Variants in LAMA2 observed in about 807,000 individuals in gnomAD.
The protein encoded by LAMA2 is laminin subunit alpha-2.
A neutral mutation model predicts 364.8 loss-of-function variants in LAMA2; 269 were observed. The observed-to-expected ratio is 0.74, with a 90% confidence interval of 0.67 to 0.82. The LOEUF (loss-of-function observed/expected upper bound fraction) is 0.82, where lower values mean the gene tolerates loss of function less well. Ranked by LOEUF, LAMA2 falls within the 40% of genes least tolerant of loss-of-function variation. The pLI is 0.00. For synonymous variants in LAMA2, 1,379 were observed against 1,370.6 expected (o/e 1.01, Z -0.14); for missense variants, 3,807 against 3,873.2 (o/e 0.98, Z 0.45).
chr6:128,928,450 A>G (rs917340281), intron 1 of LAMA2, among the ~76,000 whole-genome samples: 10 of 152,204 alleles, frequency 6.6e-5, no homozygotes, highest in African/African-American at 2.4e-4. Flanking sequence ...CAAAATGTTT[A>G]TAAATAAAAA....
chr6:129,125,814 A>G (rs1033080323), intron 4 of LAMA2, among the ~76,000 whole-genome samples: 2 of 152,198 alleles, frequency 1.3e-5, no homozygotes, highest in Non-Finnish European at 2.9e-5. Flanking sequence ...CATAAAAAAT[A>G]TTAGTATTTG....
At position 129,220,003 on chromosome 6, in the gene LAMA2, A is replaced by G. The variant is rs1343141747; in HGVS notation, c.1782+27150A>G. On this transcript the variant is annotated intron_variant, in intron 12 of 64. Transcript: ENST00000421865. ...AATAAAAATAAAATAAAATAAGACCATTAAAAAAAAGTTCATCGTATGGAT... is the reference window on the plus strand; with the variant it reads ...AATAAAAATAAAATAAAATAAGACCGTTAAAAAAAAGTTCATCGTATGGAT... Among the ~76,000 whole-genome samples, 4 of 152,158 alleles carry G rather than the reference A, an allele frequency of 2.6e-5. No homozygotes were observed. The East Asian group carries it at 7.7e-4, about 29-fold the overall frequency.
chr6:129,512,418 TACA>T lies in LAMA2; in HGVS notation c.8916_8918del (p.Thr2974del), dbSNP rs755458139. On this transcript the variant is annotated inframe_deletion, in exon 63 of 65. Coordinates refer to ENST00000421865, the MANE Select transcript of LAMA2 (RefSeq NM_000426.4). ...TTGTAGAATTTGAATTCCGCACAAC[TACA>T]ACGACTGGAGTTCTTCTGGGGATCA... 9.3e-6 allele frequency: 15 copies of T among 1,613,356 alleles called. No homozygotes were observed. The East Asian group carries it at 2.0e-4, about 22-fold the overall frequency.
intron 10 of LAMA2, among the ~76,000 whole-genome samples, chr6:129,189,710 T>C (rs1781421764): frequency 6.6e-6 from 1 of 152,256 alleles, no homozygotes; most frequent in East Asian, 1.9e-4. Context: ...ATGTACATAT[T>C]TTTAATCTGA....
chr6:129,089,513 T>G (rs1487709569), intron 3 of LAMA2, among the ~76,000 whole-genome samples: 1 of 152,224 alleles, frequency 6.6e-6, no homozygotes, highest in Admixed American at 6.5e-5. Context: ...TCTGTGACAG[T>G]TTCATTGAAA....
chr6:129,206,160 G>GGAAA, intron 12 of LAMA2, among the ~76,000 whole-genome samples: 1 of 137,236 alleles, frequency 7.3e-6, no homozygotes, highest in South Asian at 2.3e-4. Flanking sequence ...AAGGAAGGAA[G>GGAAA]GAAGGAAATT....
intron 6 of LAMA2, 82 bp from the exon 7 acceptor site, chr6:129,148,897 C>CGA (rs1778636605): frequency 6.4e-6 from 6 of 936,462 alleles, no homozygotes; most frequent in Non-Finnish European, 1.1e-5. Flanking sequence ...TTTCTCTTTT[C>CGA]TTCATAGTAC....
intron 44 of LAMA2, 39 bp downstream of exon 44, chr6:129,443,107 C>T (rs1301455548): frequency 6.5e-7 from 1 of 1,527,992 alleles, no homozygotes; most frequent in Non-Finnish European, 9.0e-7. Flanking sequence ...TAGTAACGCT[C>T]ATGCTTCATT....
intron 4 of LAMA2, among the ~76,000 whole-genome samples, chr6:129,119,449 C>A (rs1366509855): frequency 1.3e-5 from 2 of 151,894 alleles, no homozygotes; most frequent in Non-Finnish European, 2.9e-5. Context: ...TATGTTTATA[C>A]TCTTCCATTA....
chr6:128,948,213 T>A (rs767586637), intron 1 of LAMA2, among the ~76,000 whole-genome samples: 3 of 152,052 alleles, frequency 2.0e-5, no homozygotes, highest in Non-Finnish European at 2.9e-5. Flanking sequence ...TTCCAGACTG[T>A]GAACAGATTT....
chr6:129,203,918 A>G (rs1319291297), intron 12 of LAMA2, among the ~76,000 whole-genome samples: 1 of 152,214 alleles, frequency 6.6e-6, no homozygotes, highest in Non-Finnish European at 1.5e-5. Context: ...TGTCCTTAGC[A>G]CACAGAAGCT....
chr6:129,349,981 A>T (rs1776768697), intron 31 of LAMA2, among the ~76,000 whole-genome samples: 1 of 152,218 alleles, frequency 6.6e-6, no homozygotes, highest in Non-Finnish European at 1.5e-5. Flanking sequence ...TAATGCATGT[A>T]TACAGCTGTT....
intron 9 of LAMA2, among the ~76,000 whole-genome samples, chr6:129,171,326 C>T (rs1233744741): frequency 1.3e-5 from 2 of 152,156 alleles, no homozygotes; most frequent in African/African-American, 4.8e-5. Flanking sequence ...TTGTTCCTTT[C>T]CATGTTTAGT....
chr6:129,093,207 T>G (rs1583029010), intron 3 of LAMA2, among the ~76,000 whole-genome samples: 2 of 151,646 alleles, frequency 1.3e-5, no homozygotes, highest in Admixed American at 6.6e-5. Context: ...GCCAGGCTGG[T>G]CTCGAACTCC....
At chr6:129,309,996 T>C (rs1384216477) in intron 22 of LAMA2, among the ~76,000 whole-genome samples, 1 of 147,304 alleles carries the variant, frequency 6.8e-6, no homozygotes, top group Non-Finnish European at 1.5e-5. Context: ...GCCTCCCGGG[T>C]TCACGCCATT....
At chr6:129,006,533 G>C (rs1272028287) in intron 1 of LAMA2, among the ~76,000 whole-genome samples, 1 of 152,034 alleles carries the variant, frequency 6.6e-6, no homozygotes, top group Non-Finnish European at 1.5e-5. Context: ...CCATACTGTG[G>C]ATCATCCACT....
At chr6:129,107,087 A>G (rs1360888568) in intron 4 of LAMA2, among the ~76,000 whole-genome samples, 3 of 152,008 alleles carry the variant, frequency 2.0e-5, no homozygotes, top group Non-Finnish European at 4.4e-5. Flanking sequence ...AAGCTAGGTA[A>G]GGAAGCTTAG....
At chr6:129,094,775 G>T (rs935324787) in intron 3 of LAMA2, among the ~76,000 whole-genome samples, 1 of 152,038 alleles carries the variant, frequency 6.6e-6, no homozygotes, top group African/African-American at 2.4e-5. Flanking sequence ...ACAAGAACAC[G>T]CAGTATTTTG....
Position 129,098,374 on chromosome 6 carries a change from A to C in LAMA2, c.598A>C (p.Thr200Pro). The C allele has an allele frequency of 1.2e-6, 2 of 1,613,858 alleles. No individual in the cohort carries two copies. Among genetic ancestry groups the C allele is most frequent in the Non-Finnish European group, 1.7e-6 (2 of 1,179,768 alleles). ...TGCCAAAGATGATGAGGTCATCTGC[A>C]CTTCATTTTACTCCAAGATACACCC... ...SYAKDDEVIC[T>P]SFYSKIHPLE... Residue 200 changes from threonine (T) to proline (P), a missense_variant, in exon 4 of 65, where the codon ACT becomes CCT. Transcript: ENST00000421865.
Sources: allele counts gnomAD v4.1 joint callset (sites outside exome capture counted in the v4.1 genomes callset), GRCh38; gene constraint gnomAD v4.1.1; transcripts MANE v1.5; gene names NCBI Gene and HGNC (gene_info 2026-07-23, HGNC 2026-07-21).